Variants in AP1B1 observed in about 807,000 individuals in gnomAD.
The protein encoded by AP1B1 is AP-1 complex subunit beta-1.
In AP1B1, 36 loss-of-function variants were observed where a neutral mutation model predicts 104.3. The ratio of observed to expected loss-of-function variants is 0.35; its 90% confidence interval spans 0.26 to 0.46. The LOEUF is 0.46. Among genes scored for constraint, AP1B1 ranks in the 20% least tolerant of loss-of-function variants. The probability of loss-of-function intolerance (pLI) is 1.00; values close to 1 mark genes in which losing one functional copy is unlikely to be tolerated. For missense variants in AP1B1, 901 were observed against 1,247.9 expected (o/e 0.72, Z 4.19); for synonymous variants, 504 against 517.5 (o/e 0.97, Z 0.35).
intron 3 of AP1B1, among the ~76,000 whole-genome samples, chr22:29,360,585 G>A (rs541577720): frequency 1.2e-4 from 19 of 152,096 alleles, no homozygotes; most frequent in Non-Finnish European, 2.2e-4. Flanking sequence ...CCATACACCA[G>A]GCTTGGTGCT....
chr22:29,338,232 C>T (rs1432502716), intron 16 of AP1B1, among the ~76,000 whole-genome samples: 5 of 152,232 alleles, frequency 3.3e-5, no homozygotes, highest in Non-Finnish European at 7.3e-5. Context: ...CTGAGACTTC[C>T]AGGAACACAA....
chr22:29,338,329 C>A (rs1390493948), intron 16 of AP1B1, among the ~76,000 whole-genome samples: 1 of 152,218 alleles, frequency 6.6e-6, no homozygotes, highest in East Asian at 1.9e-4. Context: ...CAAATGGCAC[C>A]ACTGGCCAAA....
In AP1B1 at chr22:29,331,382, C is replaced by T. The variant is rs978111269; in HGVS notation, c.2524+67G>A. On this transcript the variant is annotated intron_variant, in intron 19 of 22. Transcript: ENST00000357586. ...TCCATCTGGACCTTGGTAAAGGCAC[C>T]ACCTTGGCCAGGTTCCCAAGCCACA... The T allele has an allele frequency of 1.5e-5, 22 of 1,494,928 alleles. No homozygotes were observed. The African/African-American group carries it at 2.9e-4, about 20-fold the overall frequency. The allele number at this position is 1,494,928 out of a possible 1,614,324, so 92.6% of individuals were successfully genotyped here.
At chr22:29,354,496 G>T (rs2061924643) in intron 7 of AP1B1, among the ~76,000 whole-genome samples, 154 bp downstream of exon 7, 1 of 152,260 alleles carries the variant, frequency 6.6e-6, no homozygotes, top group Admixed American at 6.5e-5. Context: ...ATCCCTCAGG[G>T]GGGCAAAGCT....
chr22:29,340,804 TCC>T lies in AP1B1; in HGVS notation c.1848_1849del (p.Glu617AlafsTer14). 1.9e-6 allele frequency: 3 copies of T among 1,600,474 alleles called. No individual in the cohort carries two copies. Among genetic ancestry groups the T allele is most frequent in the Non-Finnish European group, 2.6e-6 (3 of 1,175,038 alleles). On this transcript the variant is annotated frameshift_variant, in exon 14 of 23. Transcript: ENST00000357586. LOFTEE classifies it high-confidence loss of function. ...CTGGGCGGGGATGACATCTGGCTGC[TCC>T]CCAGGAGGTGCTCCAGTAGGGGCTG...
chr22:29,352,830 A>C (rs1031470794), intron 7 of AP1B1, among the ~76,000 whole-genome samples: 1 of 152,186 alleles, frequency 6.6e-6, no homozygotes, highest in Non-Finnish European at 1.5e-5. Flanking sequence ...CCTGAGCATG[A>C]GGGTGGTCTT....
At chr22:29,365,302 C>CCA (rs905552131) in intron 2 of AP1B1, among the ~76,000 whole-genome samples, 2 of 152,096 alleles carry the variant, frequency 1.3e-5, no homozygotes, top group African/African-American at 4.8e-5. Flanking sequence ...GCATGTCTGT[C>CCA]CACACATCTC....
In AP1B1 at chr22:29,328,805, G is replaced by T. The variant is rs1253623527; in HGVS notation, c.*16C>A. 2 of 1,599,768 alleles carry T rather than the reference G, an allele frequency of 1.3e-6. No homozygotes were observed. The highest frequency in any genetic ancestry group is 8.5e-7 in the Non-Finnish European group (1 of 1,175,840). On this transcript the variant is annotated 3_prime_UTR_variant, in exon 23 of 23. Transcript: ENST00000357586. The surrounding 1 kb of genome is among the most constrained non-coding windows in gnomAD (Gnocchi z 4.1). ...ATGGGGCGGGCAGAAGGCTGGGGTG[G>T]GCGCTGGCCGGGGTCTCAGTTCTTG...
intron 14 of AP1B1, 107 bp from the exon 15 acceptor site, chr22:29,339,881 AGTCAACG>A: frequency 8.5e-7 from 1 of 1,176,274 alleles, no homozygotes; most frequent in South Asian, 1.3e-5. Context: ...GAGGGAGATT[AGTCAACG>A]GTAGCTCCAT....
intron 11 of AP1B1, among the ~76,000 whole-genome samples, chr22:29,345,238 T>A (rs1042021724): frequency 3.4e-5 from 5 of 148,602 alleles, no homozygotes; most frequent in African/African-American, 5.0e-5. Context: ...TTTTTTTTTT[T>A]ATAGAGATGA....
At chr22:29,366,073 C>T (rs567297846) in intron 2 of AP1B1, among the ~76,000 whole-genome samples, 14 of 152,174 alleles carry the variant, frequency 9.2e-5, no homozygotes, top group South Asian at 4.2e-4. Context: ...TTCATCTGGT[C>T]GGCAGGCATG....
At chr22:29,349,096 A>T in intron 11 of AP1B1, 122 bp downstream of exon 11, 1 of 1,164,242 alleles carries the variant, frequency 8.6e-7, no homozygotes, top group Non-Finnish European at 1.2e-6. Context: ...CGCGCACATC[A>T]CTCATCTGTC....
rs979151948 is a variant in AP1B1, at chr22:29,328,633, C to A, written c.*188G>T. The A allele has an allele frequency of 7.6e-6, 5 of 659,176 alleles. No homozygotes were observed. Among genetic ancestry groups the A allele is most frequent in the African/African-American group, 1.8e-5 (1 of 54,754 alleles). 40.8% of individuals were successfully genotyped at this position (659,176 alleles called of 1,614,324 possible). On this transcript the variant is annotated 3_prime_UTR_variant, in exon 23 of 23. Transcript: ENST00000357586. The surrounding 1 kb of genome is among the most constrained non-coding windows in gnomAD (Gnocchi z 4.1). ...TGTCCCAGAGCACGGGAGTGCACTGCGCTCTCACCCCAGGAGGGGGTGGTG... is the reference window on the plus strand; with the variant it reads ...TGTCCCAGAGCACGGGAGTGCACTGAGCTCTCACCCCAGGAGGGGGTGGTG...
At chr22:29,376,010 G>A (rs916326831) in intron 1 of AP1B1, among the ~76,000 whole-genome samples, 2 of 152,194 alleles carry the variant, frequency 1.3e-5, no homozygotes, top group African/African-American at 4.8e-5. Flanking sequence ...TCTGCTGGAT[G>A]AGGGGCCCAT....
At chr22:29,358,454 T>C (rs1038120316) in intron 5 of AP1B1, among the ~76,000 whole-genome samples, 2 of 152,178 alleles carry the variant, frequency 1.3e-5, no homozygotes, top group African/African-American at 4.8e-5. Context: ...GCCAGCCACG[T>C]AGAATGAGAT....
rs749972041 is a variant in AP1B1 at position 29,363,027 on chromosome 22, T to C, written c.117A>G (p.Ala39=). ...TGACATCTTTGCCCACGGTCATCGA[T>C]GCAATCACTTTCTTCACTGCCTCCT... ...KKKEAVKKVI[A]SMTVGKDVSA... Residue 39 remains alanine (A), a synonymous_variant, in exon 3 of 23, where the codon GCA becomes GCG. Transcript: ENST00000357586. 5 of 1,611,006 alleles carry C rather than the reference T, an allele frequency of 3.1e-6. No homozygotes were observed. In the African/African-American group the frequency reaches 5.3e-5, roughly 17 times the overall value.
intron 16 of AP1B1, among the ~76,000 whole-genome samples, chr22:29,336,319 C>G (rs1352797700): frequency 1.3e-5 from 2 of 152,202 alleles, no homozygotes; most frequent in African/African-American, 4.8e-5. Context: ...ATAGTGCACC[C>G]ACACCCTAGA....
At chr22:29,330,845 C>G (rs2061547104) in intron 19 of AP1B1, 136 bp from the exon 20 acceptor site, 1 of 719,098 alleles carries the variant, frequency 1.4e-6, no homozygotes, top group African/African-American at 1.8e-5. Context: ...GCCGCACAGC[C>G]CTCCTGCTTC....
rs770560404 is a variant in AP1B1 at position 29,354,680 on chromosome 22, A to T, written c.908T>A (p.Leu303Gln). Residue 303 changes from leucine to glutamine, a missense_variant, in exon 7 of 23, where the codon CTG becomes CAG. Leu to Gln is a moderately radical substitution (Grantham distance 113, BLOSUM62 -2). Transcript: ENST00000357586. Reference sequence around the variant, plus strand: ...CTGCACGATGAGATTGATGTTGCGCAGGGCCACATACTGCAGCTCTGGCTC... The same window carrying T: ...CTGCACGATGAGATTGATGTTGCGCTGGGCCACATACTGCAGCTCTGGCTC... The part of the protein sequence containing the change: ...SAEPELQYVA[L>Q]RNINLIVQKR... 9.9e-6 allele frequency: 16 copies of T among 1,614,084 alleles called. No individual in the cohort carries two copies. Among genetic ancestry groups the T allele is most frequent in the Non-Finnish European group, 1.4e-5 (16 of 1,180,036 alleles).
Sources: allele counts gnomAD v4.1 joint callset (sites outside exome capture counted in the v4.1 genomes callset), GRCh38; gene constraint gnomAD v4.1.1; non-coding constraint Gnocchi (gnomAD v3.1); transcripts MANE v1.5; gene names NCBI Gene and HGNC (gene_info 2026-07-23, HGNC 2026-07-21).